Variants in NOS1 observed in about 807,000 individuals in gnomAD.
NOS1 encodes nitric oxide synthase 1, also known as NOS type I.
In NOS1, 51 loss-of-function variants were observed where a neutral mutation model predicts 164.5. The observed-to-expected ratio is 0.31, with a 90% CI of 0.25 to 0.39. The LOEUF (loss-of-function observed/expected upper bound fraction) is 0.39. NOS1 is among the 10% of genes least tolerant of loss of function. The probability of loss-of-function intolerance (pLI) is 1.00; values close to 1 mark genes in which losing one functional copy is unlikely to be tolerated. For missense variants in NOS1, 1,362 were observed against 1,885.6 expected (o/e 0.72, Z 5.14); for synonymous variants, 719 against 745.8 (o/e 0.96, Z 0.59).
chr12:117,330,383 G>A lies in NOS1; in HGVS notation c.687C>T (p.Ala229=), dbSNP rs1875474565. 2 of 1,613,502 alleles carry A rather than the reference G, an allele frequency of 1.2e-6. No individual in the cohort carries two copies. The highest frequency in any genetic ancestry group is 2.7e-5 in the African/African-American group (2 of 74,740). Residue 229 remains alanine, a synonymous_variant, in exon 2 of 29, where the codon GCC becomes GCT. Coordinates refer to ENST00000317775, the MANE Select transcript of NOS1 (RefSeq NM_000620.5). This position sits in a 1 kb window ranked among gnomAD's most constrained non-coding sequence, Gnocchi z 4.6. ...GSRGVKGGAP[A]KAEMKDMGIQ... Reference sequence around the variant, plus strand: ...TTCCCATATCTTTCATCTCTGCCTTGGCAGGTGCCCCTCCCTTGACCCCTC... The same window carrying A: ...TTCCCATATCTTTCATCTCTGCCTTAGCAGGTGCCCCTCCCTTGACCCCTC...
intron 23 of NOS1, 29 bp downstream of exon 23, chr12:117,227,402 G>C: frequency 6.2e-7 from 1 of 1,608,852 alleles, no homozygotes; most frequent in Non-Finnish European, 8.5e-7. Context: ...AAATGCAGCT[G>C]AGGAGGCTCT....
chr12:117,222,635 G>A, intron 26 of NOS1, 80 bp downstream of exon 26: 2 of 1,338,664 alleles, frequency 1.5e-6, no homozygotes, highest in African/African-American at 2.9e-5. Flanking sequence ...TAAGAGTGAG[G>A]GTGAGGGGTT....
chr12:117,324,556 C>G (rs1295999306), intron 2 of NOS1, among the ~76,000 whole-genome samples: 1 of 152,078 alleles, frequency 6.6e-6, no homozygotes, highest in Non-Finnish European at 1.5e-5. Flanking sequence ...ATGATGAAAC[C>G]CTGTTTCTAC....
chr12:117,335,748 G>GAGAGAGAGAGAGAGAGAA (rs1875784297), intron 1 of NOS1, among the ~76,000 whole-genome samples: 1 of 148,456 alleles, frequency 6.7e-6, no homozygotes, highest in Admixed American at 6.6e-5. Context: ...GAGAGAGAGA[G>GAGAGAGAGAGAGAGAGAA]AGAGAGAGAG....
chr12:117,320,750 C>T (rs576745226), intron 2 of NOS1, among the ~76,000 whole-genome samples: 3 of 152,298 alleles, frequency 2.0e-5, no homozygotes, highest in African/African-American at 4.8e-5. Flanking sequence ...TCAAGCCCCT[C>T]GAGCTTTCTG....
rs771641186 is a variant in NOS1 at position 117,225,227 on chromosome 12, G to A, written c.3705-90C>T. The A allele has an allele frequency of 6.7e-6, 10 of 1,500,234 alleles. No individual in the cohort carries two copies. The East Asian group carries it at 6.8e-5, about 10-fold the overall frequency. The allele number at this position is 1,500,234 out of a possible 1,614,324, so 92.9% of individuals were successfully genotyped here. On this transcript the variant is annotated intron_variant, in intron 24 of 28. Coordinates refer to ENST00000317775, the MANE Select transcript of NOS1 (RefSeq NM_000620.5). ...TTAGGTAGACCAGGTGGCCATCTTC[G>A]GTAGACATACAATGAGACTTAAGGC... is the stretch of plus-strand genomic sequence containing the variant.
rs9658551 is a variant in NOS1, at chr12:117,216,811, C to A, written c.4289+1235G>T. ...CTTTTGACAACCCAGGGACTTGTGA[C>A]CTTAAAGACAATGATATGAGTCTAC... On this transcript the variant is annotated intron_variant, in intron 28 of 28. Transcript: ENST00000317775. Among the ~76,000 whole-genome samples, 732 of 152,180 alleles carry A rather than the reference C, an allele frequency of 4.8e-3. 39 individuals carry two copies. The East Asian group carries it at 0.12, about 25-fold the overall frequency.
intron 18 of NOS1, chr12:117,246,152 C>A: frequency 6.3e-6 from 1 of 158,216 alleles, no homozygotes. Context: ...TAGGCTTTCT[C>A]CTCTCCATCC....
chr12:117,218,198 A>C, intron 27 of NOS1, 34 bp from the exon 28 acceptor site: 12 of 1,499,876 alleles, frequency 8.0e-6, no homozygotes, highest in South Asian at 1.1e-5. Context: ...AACAGCTCTC[A>C]AATGCCAGAT....
chr12:117,360,612 C>T (rs1361258397), intron 1 of NOS1, among the ~76,000 whole-genome samples: 1 of 152,200 alleles, frequency 6.6e-6, no homozygotes, highest in East Asian at 1.9e-4. Context: ...GGAGGCTCCT[C>T]GCAAAGTTGG....
rs566348671 is a variant in NOS1, at chr12:117,331,162, C to T, written c.-93G>A. The T allele has an allele frequency of 3.1e-5, 46 of 1,479,554 alleles. No homozygotes were observed. Among genetic ancestry groups the T allele is most frequent in the East Asian group, 1.1e-4 (5 of 43,804 alleles). 91.7% of individuals were successfully genotyped at this position (1,479,554 alleles called of 1,614,324 possible). ...AGGAGGATCCAGGCTTCAGGCTACA[C>T]GGAGAGCAGGAGCCGGGGTGACAGG... On this transcript the variant is annotated 5_prime_UTR_variant, in exon 2 of 29. In the 5' UTR this introduces an upstream ATG that the reference lacks. Coordinates refer to ENST00000317775, the MANE Select transcript of NOS1 (RefSeq NM_000620.5).
At chr12:117,241,412 GGGGGTCCTAT>G (rs1870168464) in intron 20 of NOS1, among the ~76,000 whole-genome samples, 1 of 151,718 alleles carries the variant, frequency 6.6e-6, no homozygotes, top group Non-Finnish European at 1.5e-5. Flanking sequence ...AGAGCAGCAA[GGGGGTCCTAT>G]GGCACTTTGC....
chr12:117,342,234 G>A (rs943968272), intron 1 of NOS1, among the ~76,000 whole-genome samples: 4 of 152,072 alleles, frequency 2.6e-5, no homozygotes, highest in African/African-American at 9.7e-5. Flanking sequence ...GGCAGTCAGC[G>A]TGGAGCTTGC....
At position 117,272,101 on chromosome 12, in the gene NOS1, C is replaced by T. The variant is rs558543698; in HGVS notation, c.1839+284G>A. Among the ~76,000 whole-genome samples, 12 of 152,298 alleles carry T rather than the reference C, an allele frequency of 7.9e-5. No homozygotes were observed. The East Asian group carries it at 1.7e-3, about 22-fold the overall frequency. On this transcript the variant is annotated intron_variant, in intron 10 of 28. Transcript: ENST00000317775. This position sits in a 1 kb window ranked among gnomAD's most constrained non-coding sequence, Gnocchi z 4.3. ...TTGTCATCTGTCGAAGGGGGATTCTCATACCTCAAGGTTCAGGTGAGGATG... is the reference window on the plus strand; with the variant it reads ...TTGTCATCTGTCGAAGGGGGATTCTTATACCTCAAGGTTCAGGTGAGGATG...
chr12:117,245,922 A>G (rs1411171723), intron 18 of NOS1: 1 of 152,314 alleles, frequency 6.6e-6, no homozygotes, highest in African/African-American at 2.4e-5. Flanking sequence ...TGTCTCAAAA[A>G]CAAAACAAAA....
rs1173614444 is a variant in NOS1, at chr12:117,341,878, T to C, written c.-420-10389A>G. Among the ~76,000 whole-genome samples the C allele has an allele frequency of 1.3e-5, 2 of 152,222 alleles. 1 individual carries two copies. Among genetic ancestry groups the C allele is most frequent in the Non-Finnish European group, 2.9e-5 (2 of 68,044 alleles). On this transcript the variant is annotated intron_variant, in intron 1 of 28. Transcript: ENST00000317775. Reference sequence around the variant, plus strand: ...AATGGAAGTGCATTAGAGGGGATAATTCATCTATAGCATGTGGTACTGTTG... The same window carrying C: ...AATGGAAGTGCATTAGAGGGGATAACTCATCTATAGCATGTGGTACTGTTG...
At position 117,331,305 on chromosome 12, in the gene NOS1, GA is replaced by G; in HGVS notation, c.-237del. The G allele has an allele frequency of 7.4e-6, 4 of 540,642 alleles. No homozygotes were observed. Among genetic ancestry groups the G allele is most frequent in the Non-Finnish European group, 1.3e-5 (4 of 304,590 alleles). The allele number at this position is 540,642 out of a possible 1,614,324, so 33.5% of individuals were successfully genotyped here. The stretch of plus-strand genomic sequence containing the variant: ...TCCGCCTCTCTCCTTATTCTCTAAG[GA>G]AGTGATGGTTGACCAGGCAGACGTC... On this transcript the variant is annotated 5_prime_UTR_variant, in exon 2 of 29. Transcript: ENST00000317775.
chr12:117,269,464 G>GTTTTTT (rs1164630635), intron 10 of NOS1, among the ~76,000 whole-genome samples: 28 of 118,370 alleles, frequency 2.4e-4, no homozygotes, highest in African/African-American at 6.6e-4. Flanking sequence ...CTGGAGATTT[G>GTTTTTT]TTTTTTTTTT....
At chr12:117,303,607 C>T (rs994990342) in intron 3 of NOS1, among the ~76,000 whole-genome samples, 7 of 152,246 alleles carry the variant, frequency 4.6e-5, no homozygotes, top group African/African-American at 1.2e-4. Flanking sequence ...GGTCCGGCCC[C>T]GTCCCCACTC....
Sources: gnomAD v4.1 joint callset for allele counts (sites outside exome capture counted in the v4.1 genomes callset) on GRCh38, gnomAD v4.1.1 for gene constraint, Gnocchi (gnomAD v3.1) non-coding constraint, MANE v1.5 for transcripts, NCBI Gene and HGNC (gene_info 2026-07-23, HGNC 2026-07-21) for gene names.